PTH2R: variants seen among roughly 807,000 people sequenced by gnomAD.
PTH2R encodes parathyroid hormone 2 receptor, also known as PTH2 receptor.
In PTH2R, 59 loss-of-function variants were observed where a neutral mutation model predicts 60.3. That is an observed-to-expected ratio of 0.98 (90% CI 0.79 to 1.22). The LOEUF is 1.22. Among genes scored for constraint, PTH2R ranks in the 50% most tolerant of loss-of-function variants. PTH2R has a pLI of 0.00. For synonymous variants in PTH2R, 256 were observed against 243.8 expected (o/e 1.05, Z -0.47); for missense variants, 749 against 682.6 (o/e 1.10, Z -1.08).
At chr2:208,443,967 C>G (rs1316074305) in intron 6 of PTH2R, among the ~76,000 whole-genome samples, 5 of 152,176 alleles carry the variant, frequency 3.3e-5, no homozygotes, top group Admixed American at 6.5e-5. Context: ...TGATTCTGCT[C>G]TTGAATGTCC....
Position 208,493,796 on chromosome 2 carries a change from A to T in PTH2R, c.*137A>T. ...TACTTAATAATAGTTTTTAGGCTCC[A>T]TGAATTGGCTCCTGTAAATACTAAC... On this transcript the variant is annotated 3_prime_UTR_variant, in exon 13 of 13. Coordinates refer to ENST00000272847, the MANE Select transcript of PTH2R (RefSeq NM_005048.4). The T allele has an allele frequency of 1.0e-6, 1 of 963,234 alleles. No individual in the cohort carries two copies. 59.7% of individuals were successfully genotyped at this position (963,234 alleles called of 1,614,324 possible).
chr2:208,372,630 G>T (rs902977818), intron 1 of PTH2R, among the ~76,000 whole-genome samples: 3 of 151,956 alleles, frequency 2.0e-5, no homozygotes, highest in African/African-American at 7.3e-5. Context: ...ACTAGGGCAT[G>T]TCAACTAAAA....
chr2:208,490,605 T>G (rs753003672), intron 11 of PTH2R, 34 bp from the exon 12 acceptor site: 2 of 1,594,582 alleles, frequency 1.3e-6, no homozygotes, highest in African/African-American at 1.4e-5. Context: ...AGTTTCTGAG[T>G]TGGCAGTGGG....
chr2:208,405,160 G>T (rs1368633959), upstream of PTH2R, among the ~76,000 whole-genome samples: 1 of 152,026 alleles, frequency 6.6e-6, no homozygotes, highest in East Asian at 1.9e-4. Flanking sequence ...TAACTGGTTA[G>T]GTACTTGGAG....
intron 1 of PTH2R, among the ~76,000 whole-genome samples, chr2:208,407,355 TG>T (rs2105830984): frequency 6.6e-6 from 1 of 152,290 alleles, no homozygotes; most frequent in East Asian, 1.9e-4. Flanking sequence ...ACCAGCATCC[TG>T]GCATCCGCAA....
chr2:208,469,795 T>C (rs572695744), intron 9 of PTH2R: 2 of 152,336 alleles, frequency 1.3e-5, no homozygotes, highest in African/African-American at 4.8e-5. Flanking sequence ...CCCTGTAAGA[T>C]CAAAATATAA....
chr2:208,361,183 C>T, intron 1 of PTH2R: 1 of 155,768 alleles, frequency 6.4e-6, no homozygotes, highest in Non-Finnish European at 1.4e-5. Context: ...TGCCATAGGT[C>T]ACGATGAGGT....
intron 1 of PTH2R, among the ~76,000 whole-genome samples, chr2:208,422,458 T>C (rs750126854): frequency 6.6e-6 from 1 of 152,236 alleles, no homozygotes; most frequent in Non-Finnish European, 1.5e-5. Flanking sequence ...ACTTAATATA[T>C]AAATGTTATA....
intron 9 of PTH2R, among the ~76,000 whole-genome samples, chr2:208,465,008 C>T (rs1702714446): frequency 2.6e-5 from 4 of 152,184 alleles, no homozygotes; most frequent in Admixed American, 2.6e-4. Context: ...CAGGATCTCA[C>T]TCTGTCACCC....
intron 1 of PTH2R, among the ~76,000 whole-genome samples, chr2:208,376,316 G>A (rs779405139): frequency 4.3e-4 from 66 of 152,130 alleles, no homozygotes; most frequent in Non-Finnish European, 8.2e-4. Context: ...ACTTGAGAAG[G>A]AACTTTCTTA....
intron 7 of PTH2R, among the ~76,000 whole-genome samples, chr2:208,446,082 T>G (rs997435326): frequency 6.6e-6 from 1 of 152,188 alleles, no homozygotes; most frequent in African/African-American, 2.4e-5. Context: ...TGATAGAAAA[T>G]TCAATAATGA....
chr2:208,461,807 A>T (rs1363041479), intron 9 of PTH2R, among the ~76,000 whole-genome samples: 2 of 152,202 alleles, frequency 1.3e-5, no homozygotes, highest in African/African-American at 4.8e-5. Context: ...TGGATGAAAA[A>T]TTTATTTTCT....
At chr2:208,400,475 A>T (rs1701287597) in intron 1 of PTH2R, among the ~76,000 whole-genome samples, 2 of 152,192 alleles carry the variant, frequency 1.3e-5, no homozygotes, top group Admixed American at 6.5e-5. Context: ...TGAATTTCTC[A>T]TTAGAATGTC....
intron 1 of PTH2R, among the ~76,000 whole-genome samples, chr2:208,421,393 CTGTG>C (rs1574857877): frequency 1.3e-5 from 2 of 150,676 alleles, no homozygotes; most frequent in African/African-American, 4.9e-5. Flanking sequence ...TGTGTAGTGT[CTGTG>C]TGAGTATGCA....
At chr2:208,417,882 A>G (rs1158273726) in intron 1 of PTH2R, among the ~76,000 whole-genome samples, 1 of 152,212 alleles carries the variant, frequency 6.6e-6, no homozygotes, top group African/African-American at 2.4e-5. Context: ...CTTGCTTATC[A>G]TTGCAAAACA....
At chr2:208,457,004 A>G (rs1238087552) in intron 8 of PTH2R, among the ~76,000 whole-genome samples, 1 of 152,228 alleles carries the variant, frequency 6.6e-6, no homozygotes, top group Non-Finnish European at 1.5e-5. Context: ...ATAGAGCCTG[A>G]ATTGTATAAT....
At chr2:208,452,346 C>T (rs1170516764) in intron 8 of PTH2R, among the ~76,000 whole-genome samples, 1 of 152,174 alleles carries the variant, frequency 6.6e-6, no homozygotes, top group Non-Finnish European at 1.5e-5. Context: ...ATAGTAAGTG[C>T]TAAATACTTG....
intron 8 of PTH2R, 69 bp from the exon 9 acceptor site, chr2:208,459,826 A>G: frequency 4.5e-6 from 6 of 1,340,656 alleles, no homozygotes; most frequent in South Asian, 1.3e-5. Flanking sequence ...GGTAAAACTT[A>G]AAATTCTACT....
At chr2:208,388,128 T>TG (rs1479170032) in intron 1 of PTH2R, among the ~76,000 whole-genome samples, 3 of 52,774 alleles carry the variant, frequency 5.7e-5, no homozygotes, top group Non-Finnish European at 1.1e-4. Flanking sequence ...GCTAACATGG[T>TG]GAAACCCCCC....
Sources: allele counts gnomAD v4.1 joint callset (sites outside exome capture counted in the v4.1 genomes callset), GRCh38; gene constraint gnomAD v4.1.1; transcripts MANE v1.5; gene names NCBI Gene and HGNC (gene_info 2026-07-23, HGNC 2026-07-21).